Variants in PRKRIP1 observed in about 807,000 individuals in gnomAD.
PRKRIP1 encodes the protein PRKR interacting protein 1, also known as PRKR-interacting protein 1.
A neutral mutation model predicts 29.3 loss-of-function variants in PRKRIP1; 29 were observed. That is an observed-to-expected ratio of 0.99 (90% confidence interval 0.74 to 1.35). PRKRIP1 has a LOEUF of 1.35. PRKRIP1 is among the 40% of genes most tolerant of loss of function. The pLI, the probability that PRKRIP1 is intolerant of heterozygous loss-of-function variation, is 0.00. For synonymous variants in PRKRIP1, 90 were observed against 85.1 expected (o/e 1.06, Z -0.32); for missense variants, 247 against 236.8 (o/e 1.04, Z -0.28).
intron 4 of PRKRIP1, 114 bp downstream of exon 4, chr7:102,404,797 T>C: frequency 4.3e-6 from 3 of 698,788 alleles, no homozygotes; most frequent in Non-Finnish European, 7.3e-6. Flanking sequence ...GTCATGAATG[T>C]AGAGCAATGA....
At chr7:102,422,144 ATT>A (rs1360876641) in intron 5 of PRKRIP1, among the ~76,000 whole-genome samples, 16 of 13,904 alleles carry the variant, frequency 1.2e-3, no homozygotes, top group Non-Finnish European at 2.3e-3. Flanking sequence ...CATACACAAA[ATT>A]ATTATTATTA....
intron 3 of PRKRIP1, among the ~76,000 whole-genome samples, chr7:102,400,515 G>GA (rs1302596025): frequency 6.6e-5 from 10 of 151,294 alleles, no homozygotes; most frequent in East Asian, 3.9e-4. Context: ...GTTTGTGTGA[G>GA]AAAAAAAAAC....
Position 102,415,905 on chromosome 7 carries a change from C to T in PRKRIP1, c.457+8407C>T, listed in dbSNP as rs782120424. Among the ~76,000 whole-genome samples the T allele has an allele frequency of 7.9e-5, 12 of 152,272 alleles. 1 individual carries two copies. Among genetic ancestry groups the T allele is most frequent in the Admixed American group, 7.8e-4 (12 of 15,292 alleles). On this transcript the variant is annotated intron_variant, in intron 5 of 5. Transcript: ENST00000397912. ...CCCTTCCGGTCTCCACCATGCTGGTCTGTTCACTCCCTTCCACATGCCCCC... is the reference window on the plus strand; with the variant it reads ...CCCTTCCGGTCTCCACCATGCTGGTTTGTTCACTCCCTTCCACATGCCCCC...
At chr7:102,422,587 C>T (rs988387844) in intron 5 of PRKRIP1, among the ~76,000 whole-genome samples, 63 of 152,146 alleles carry the variant, frequency 4.1e-4, no homozygotes, top group African/African-American at 1.3e-3. Flanking sequence ...GGTGATTCAC[C>T]GGCCTCGGCT....
intron 5 of PRKRIP1, among the ~76,000 whole-genome samples, chr7:102,415,313 T>G (rs1684550754): frequency 6.6e-6 from 1 of 152,240 alleles, no homozygotes; most frequent in Non-Finnish European, 1.5e-5. Flanking sequence ...CTCAGCTCAC[T>G]GCAACCTCCG....
In PRKRIP1 at chr7:102,425,397, G is replaced by A; in HGVS notation, c.*286G>A. Reference sequence around the variant, plus strand: ...ACATATTTGAACAGTGATGAGTTTGGGGCTGGTTTCTGGGAAGGGAACGTT... The same window carrying A: ...ACATATTTGAACAGTGATGAGTTTGAGGCTGGTTTCTGGGAAGGGAACGTT... On this transcript the variant is annotated 3_prime_UTR_variant, in exon 6 of 6. Coordinates refer to ENST00000397912, the MANE Select transcript of PRKRIP1 (RefSeq NM_024653.4). 1 of 478,304 alleles carries A rather than the reference G, an allele frequency of 2.1e-6. No individual in the cohort carries two copies. Among genetic ancestry groups the A allele is most frequent in the Non-Finnish European group, 3.7e-6 (1 of 271,644 alleles). 29.6% of individuals were successfully genotyped at this position (478,304 alleles called of 1,614,324 possible).
chr7:102,405,137 G>C (rs1186903865), intron 4 of PRKRIP1, among the ~76,000 whole-genome samples: 1 of 152,098 alleles, frequency 6.6e-6, no homozygotes, highest in Non-Finnish European at 1.5e-5. Flanking sequence ...ATGTTGGTCA[G>C]GCTAGTCTTG....
chr7:102,399,457 C>G lies in PRKRIP1; in HGVS notation c.206-91C>G, dbSNP rs111416839. The G allele has an allele frequency of 1.6e-4, 164 of 1,010,092 alleles. No homozygotes were observed. The African/African-American group carries it at 2.0e-3, about 12-fold the overall frequency. The allele number at this position is 1,010,092 out of a possible 1,614,324, so 62.6% of individuals were successfully genotyped here. On this transcript the variant is annotated intron_variant, in intron 2 of 5. Transcript: ENST00000397912. ...GAAGGCATGGTCCCTTCCACGACTTCCACTTTTTGTTTCTTTAGTCACCCT... is the reference window on the plus strand; with the variant it reads ...GAAGGCATGGTCCCTTCCACGACTTGCACTTTTTGTTTCTTTAGTCACCCT...
Position 102,396,508 on chromosome 7 carries a change from C to T in PRKRIP1, c.97C>T (p.Leu33Phe), listed in dbSNP as rs137859254. The T allele has an allele frequency of 1.2e-6, 2 of 1,610,108 alleles. No homozygotes were observed. The highest frequency in any genetic ancestry group is 1.3e-5 in the African/African-American group (1 of 74,876). ...CAAGAATGCGGCGGAGGAGCAGAAG[C>T]TCAAGCTGGAGCGGCTCATGAAGAA... ...IPKNAAEEQK[L>F]KLERLMKNPD... is the part of the protein sequence containing the mutation. The change falls in exon 1 of 6, where the codon CTC becomes TTC. Residue 33 changes from leucine to phenylalanine, a missense_variant. Physicochemically the swap from Leu to Phe is conservative, Grantham distance 22. Around this residue, in one of 3 missense-constraint regions of PRKRIP1, gnomAD observed 105 missense variants for 80.2 expected, o/e 1.31. Transcript: ENST00000397912.
At chr7:102,404,747 C>A in intron 4 of PRKRIP1, 64 bp downstream of exon 4, 1 of 1,269,380 alleles carries the variant, frequency 7.9e-7, no homozygotes, top group South Asian at 1.2e-5. Context: ...GGTGAGCTGT[C>A]CTTGCAGTCA....
chr7:102,417,367 TCCCTG>T (rs1796580376), intron 5 of PRKRIP1, among the ~76,000 whole-genome samples: 1 of 152,138 alleles, frequency 6.6e-6, no homozygotes, highest in Non-Finnish European at 1.5e-5. Flanking sequence ...GTGTTCCTCC[TCCCTG>T]ACAGTGGAGA....
chr7:102,404,482 G>T (rs1235097361), intron 3 of PRKRIP1, 116 bp from the exon 4 acceptor site: 2 of 784,824 alleles, frequency 2.5e-6, no homozygotes, highest in East Asian at 4.9e-5. Flanking sequence ...GACCCGGGTA[G>T]TGCCTCCGTC....
chr7:102,419,941 C>T (rs145077434), intron 5 of PRKRIP1, among the ~76,000 whole-genome samples: 58 of 151,480 alleles, frequency 3.8e-4, no homozygotes, highest in African/African-American at 1.4e-3. Flanking sequence ...AGTGCAGTGG[C>T]GCAATCTCAG....
intron 5 of PRKRIP1, among the ~76,000 whole-genome samples, chr7:102,409,731 G>A (rs992033737): frequency 6.6e-5 from 10 of 152,044 alleles, no homozygotes; most frequent in Non-Finnish European, 1.3e-4. Flanking sequence ...GGCTGAGGCA[G>A]GAGAGTCGCC....
At chr7:102,409,384 A>G (rs1465266962) in intron 5 of PRKRIP1, among the ~76,000 whole-genome samples, 1 of 152,144 alleles carries the variant, frequency 6.6e-6, no homozygotes, top group Non-Finnish European at 1.5e-5. Context: ...GCAACAGTAG[A>G]TCATGGAAGT....
intron 5 of PRKRIP1, among the ~76,000 whole-genome samples, chr7:102,424,207 C>T (rs547954889): frequency 5.2e-5 from 8 of 152,388 alleles, no homozygotes; most frequent in African/African-American, 1.7e-4. Context: ...GCAGTAGCAG[C>T]GCTCAGGGTC....
intron 3 of PRKRIP1, among the ~76,000 whole-genome samples, chr7:102,400,608 T>C (rs1394827466): frequency 6.6e-6 from 1 of 152,074 alleles, no homozygotes; most frequent in Non-Finnish European, 1.5e-5. Context: ...ACACTCGAGA[T>C]CTGGGCATTT....
chr7:102,424,244 C>G (rs1554574167), intron 5 of PRKRIP1, among the ~76,000 whole-genome samples: 12 of 152,354 alleles, frequency 7.9e-5, no homozygotes. Context: ...GTGGCCAGGG[C>G]AAGCCCTGCA....
chr7:102,413,016 G>T (rs192177271), intron 5 of PRKRIP1, among the ~76,000 whole-genome samples: 1 of 152,192 alleles, frequency 6.6e-6, no homozygotes, highest in African/African-American at 2.4e-5. Flanking sequence ...AATCCAGGGC[G>T]CCCTTAGGGG....
Sources: gnomAD v4.1 joint callset for allele counts (sites outside exome capture counted in the v4.1 genomes callset) on GRCh38, gnomAD v4.1.1 for gene constraint, gnomAD v4.1.1 regional missense constraint, MANE v1.5 for transcripts, NCBI Gene and HGNC (gene_info 2026-07-23, HGNC 2026-07-21) for gene names.